The following ERAP1 variants were observed in gnomAD, a reference collection of about 807,000 sequenced individuals.
The protein encoded by ERAP1 is endoplasmic reticulum aminopeptidase 1.
A neutral mutation model predicts 103.7 loss-of-function variants in ERAP1; 86 were observed. That is an observed-to-expected ratio of 0.83 (90% CI 0.70 to 0.99). The LOEUF is 0.99. Ranked by LOEUF, ERAP1 falls within the 50% of genes least tolerant of loss-of-function variation. ERAP1 has a pLI of 0.00. For synonymous variants in ERAP1, 398 were observed against 402.4 expected, an observed-to-expected ratio of 0.99 and a Z score of 0.13; for missense variants, 1,009 against 1,128.4, an observed-to-expected ratio of 0.89 and a Z score of 1.52.
the ERAP1 span, among the ~76,000 whole-genome samples, chr5:96,877,953 G>C: frequency 6.6e-6 from 1 of 152,156 alleles, no homozygotes; most frequent in African/African-American, 2.4e-5. Flanking sequence ...GATAATTAAT[G>C]CTGCAGAACT....
At chr5:96,913,464 A>G in the ERAP1 span, 12 of 1,613,580 alleles carry the variant, frequency 7.4e-6, 1 homozygote, top group African/African-American at 1.3e-4. Context: ...AAAAGTTGGT[A>G]TTCATTTTCA....
chr5:96,910,890 G>T, the ERAP1 span, among the ~76,000 whole-genome samples: 5 of 152,248 alleles, frequency 3.3e-5, no homozygotes, highest in African/African-American at 1.2e-4. Flanking sequence ...AGGAGCTAAG[G>T]ATAAAGAGGT....
At chr5:96,791,165 A>T (rs1443257468) in intron 8 of ERAP1, among the ~76,000 whole-genome samples, 1 of 152,154 alleles carries the variant, frequency 6.6e-6, no homozygotes, top group East Asian at 1.9e-4. Context: ...TGAGAAAGGG[A>T]ACAAGAGTCT....
exon 20 of ERAP1, chr5:96,762,136 TTA>T (rs929259250): frequency 2.2e-6 from 1 of 461,196 alleles, no homozygotes; most frequent in African/African-American, 2.0e-5. Flanking sequence ...TCTTTTAAAA[TTA>T]TATGTTATTA....
chr5:96,815,407 G>GTTTTTT, the ERAP1 span, among the ~76,000 whole-genome samples: 349 of 105,264 alleles, frequency 3.3e-3, 6 homozygotes, highest in Middle Eastern at 5.3e-3. Flanking sequence ...TGTTTGTTTT[G>GTTTTTT]TTTTTTATTT....
chr5:96,880,309 C>G, the ERAP1 span: 2 of 1,482,222 alleles, frequency 1.3e-6, no homozygotes, highest in Non-Finnish European at 1.8e-6. Context: ...AATTTCCTTA[C>G]GAGTTACATC....
At chr5:96,794,031 G>A in intron 5 of ERAP1, 74 bp from the exon 6 acceptor site, 2 of 1,492,250 alleles carry the variant, frequency 1.3e-6, no homozygotes, top group Non-Finnish European at 1.9e-6. Context: ...TCTTCAGAAT[G>A]GATAGGTGTT....
In ERAP1 at chr5:96,781,704, T is replaced by C. The variant is rs2150904308; in HGVS notation, c.2436A>G (p.Glu812=). 3.7e-6 allele frequency: 6 copies of C among 1,614,162 alleles called. No homozygotes were observed. The highest frequency in any genetic ancestry group is 2.5e-6 in the Non-Finnish European group (3 of 1,180,024). Reference sequence around the variant, plus strand: ...AATGACGGACTCACCATTGAAGCTTTTCCTTATTTTGGGTTCTGCAGAGGG... The same window carrying C: ...AATGACGGACTCACCATTGAAGCTTCTCCTTATTTTGGGTTCTGCAGAGGG... ...EFALCRTQNK[E]KLQWLLDESF... is the part of the protein sequence containing the mutation. The change falls in exon 16 of 19, where the codon GAA becomes GAG. Residue 812 remains glutamate, a synonymous_variant. Transcript: ENST00000443439.
the ERAP1 span, chr5:96,873,331 G>A: frequency 2.0e-5 from 9 of 456,192 alleles, no homozygotes; most frequent in Non-Finnish European, 3.1e-5. Context: ...ATAGGTGCTA[G>A]AAAGAGGTGG....
At chr5:96,796,584 G>A (rs1280921930) in intron 4 of ERAP1, among the ~76,000 whole-genome samples, 1 of 152,206 alleles carries the variant, frequency 6.6e-6, no homozygotes, top group East Asian at 1.9e-4. Context: ...AAGTTTCAGA[G>A]GGAATAGGGC....
intron 11 of ERAP1, among the ~76,000 whole-genome samples, chr5:96,787,865 C>CAT (rs537007290): frequency 3.1e-4 from 46 of 147,102 alleles, no homozygotes; most frequent in South Asian, 2.4e-3. Context: ...CAAACATATA[C>CAT]ATATATATAT....
chr5:96,873,678 GAAAAACAAAAAAC>G, the ERAP1 span: 1 of 315,386 alleles, frequency 3.2e-6, no homozygotes, highest in Admixed American at 4.1e-5. Context: ...GCAATCTAAG[GAAAAACAAAAAAC>G]AAAAACAAAA....
chr5:96,770,674 T>C, downstream of ERAP1: 1 of 1,007,330 alleles, frequency 9.9e-7, no homozygotes, highest in Non-Finnish European at 1.6e-6. Flanking sequence ...ATTTCAGTCA[T>C]TTAGTTTCCT....
the ERAP1 span, among the ~76,000 whole-genome samples, chr5:96,854,013 G>A: frequency 0.048 from 7,264 of 152,194 alleles, 214 homozygotes; most frequent in South Asian, 0.11. Context: ...TGTCACCTCA[G>A]TGAAAGAAAT....
upstream of ERAP1, among the ~76,000 whole-genome samples, chr5:96,810,672 G>A (rs1465196805): frequency 6.6e-6 from 1 of 152,194 alleles, no homozygotes; most frequent in African/African-American, 2.4e-5. Flanking sequence ...TCCCAGAGGT[G>A]AGCCAGAGGA....
chr5:96,801,561 C>T (rs1777996574), intron 2 of ERAP1, among the ~76,000 whole-genome samples: 2 of 151,576 alleles, frequency 1.3e-5, no homozygotes, highest in Admixed American at 1.3e-4. Flanking sequence ...TAGTGAGATC[C>T]TAAAAATATG....
At chr5:96,837,992 T>A in the ERAP1 span, among the ~76,000 whole-genome samples, 2 of 151,376 alleles carry the variant, frequency 1.3e-5, no homozygotes. Flanking sequence ...CCACTGCTTC[T>A]CCTCTTCTCC....
the ERAP1 span, among the ~76,000 whole-genome samples, chr5:96,923,114 A>C: frequency 2.0e-5 from 3 of 152,252 alleles, no homozygotes; most frequent in East Asian, 5.8e-4. Context: ...GTTGTGACTG[A>C]AGATGTGCAC....
the ERAP1 span, among the ~76,000 whole-genome samples, chr5:96,871,474 T>C: frequency 6.6e-6 from 1 of 152,222 alleles, no homozygotes; most frequent in Non-Finnish European, 1.5e-5. Flanking sequence ...CATTACTGAT[T>C]TGGTTTAATC....
Sources: gnomAD v4.1 joint callset for allele counts (sites outside exome capture counted in the v4.1 genomes callset) on GRCh38, gnomAD v4.1.1 for gene constraint, MANE v1.5 for transcripts, NCBI Gene and HGNC (gene_info 2026-07-23, HGNC 2026-07-21) for gene names.